Variants in SLC9C1 observed in about 807,000 individuals in gnomAD.
The protein encoded by SLC9C1 is solute carrier family 9 member C1, also known as sodium/hydrogen exchanger 10.
SLC9C1 carries 97 observed loss-of-function variants against 140.9 expected under a neutral mutation model. That is an observed-to-expected ratio of 0.69 (90% CI 0.58 to 0.82). The LOEUF is 0.82. Among genes scored for constraint, SLC9C1 ranks in the 40% least tolerant of loss-of-function variants. SLC9C1 has a pLI of 0.00. For synonymous variants in SLC9C1, 440 were observed against 442.6 expected (o/e 0.99, Z 0.07); for missense variants, 1,340 against 1,389.3 (o/e 0.96, Z 0.56).
chr3:112,227,485 C>T (rs1297434526), intron 13 of SLC9C1, among the ~76,000 whole-genome samples: 1 of 150,652 alleles, frequency 6.6e-6, no homozygotes, highest in Admixed American at 6.7e-5. Context: ...AAGACCAAAG[C>T]CATTTGATCA....
Position 112,150,840 on chromosome 3 carries a change from A to ATT in SLC9C1, c.3524+1015_3524+1016dup, listed in dbSNP as rs1180027200. Among the ~76,000 whole-genome samples the ATT allele has an allele frequency of 4.9e-3, 279 of 57,296 alleles. 6 individuals carry two copies. The highest frequency in any genetic ancestry group is 0.018 in the African/African-American group (253 of 13,990). The allele number at this position is 57,296 out of a possible 152,430, so 37.6% of individuals were successfully genotyped here. On this transcript the variant is annotated intron_variant, in intron 28 of 28. Coordinates refer to ENST00000305815, the MANE Select transcript of SLC9C1 (RefSeq NM_183061.3). ...CATATACATATATATATATATATATATTTTTTTTTTTTTTTGAGATGAAGT... is the reference window on the plus strand; with the variant it reads ...CATATACATATATATATATATATATATTTTTTTTTTTTTTTTTGAGATGAAGT...
At chr3:112,233,769 T>C (rs13060736) in intron 12 of SLC9C1, among the ~76,000 whole-genome samples, 89,433 of 151,370 alleles carry the variant, frequency 0.59, 26,966 homozygotes, top group East Asian at 0.79. Flanking sequence ...CTGAGAATGA[T>C]GGTTTCCAGC....
intron 13 of SLC9C1, among the ~76,000 whole-genome samples, chr3:112,228,368 T>C (rs2108156900): frequency 6.6e-6 from 1 of 152,208 alleles, no homozygotes; most frequent in Non-Finnish European, 1.5e-5. Context: ...ACTAAACCCT[T>C]GTCTCTCCTT....
intron 18 of SLC9C1, among the ~76,000 whole-genome samples, chr3:112,201,006 G>A (rs1360806938): frequency 6.6e-6 from 1 of 152,010 alleles, no homozygotes; most frequent in Non-Finnish European, 1.5e-5. Context: ...TCATGATTCT[G>A]AAAAGTGCAG....
At chr3:112,145,625 T>C (rs1186393533) in intron 28 of SLC9C1, among the ~76,000 whole-genome samples, 20 of 146,850 alleles carry the variant, frequency 1.4e-4, no homozygotes, top group African/African-American at 5.0e-4. Context: ...TGGTAGGTTC[T>C]TTTTTATGGA....
intron 11 of SLC9C1, among the ~76,000 whole-genome samples, chr3:112,242,359 T>C (rs2079159259): frequency 6.6e-6 from 1 of 152,148 alleles, no homozygotes; most frequent in Admixed American, 6.6e-5. Context: ...TTAAAAAGAA[T>C]GAGATCCTGT....
intron 28 of SLC9C1, among the ~76,000 whole-genome samples, chr3:112,142,299 G>A (rs1468641104): frequency 6.6e-6 from 1 of 151,958 alleles, no homozygotes; most frequent in Non-Finnish European, 1.5e-5. Context: ...TTTAAATTCT[G>A]CATTTCTTAG....
At chr3:112,178,757 C>T (rs933995221) in intron 23 of SLC9C1, among the ~76,000 whole-genome samples, 1 of 152,152 alleles carries the variant, frequency 6.6e-6, no homozygotes, top group African/African-American at 2.4e-5. Flanking sequence ...TTAACATTCA[C>T]TTAGTAGTTT....
At chr3:112,147,004 G>A (rs561500306) in intron 28 of SLC9C1, among the ~76,000 whole-genome samples, 6 of 152,118 alleles carry the variant, frequency 3.9e-5, no homozygotes, top group African/African-American at 1.4e-4. Context: ...ATAAATTTAG[G>A]ATGATTAAGT....
rs546303847 is a variant in SLC9C1 at position 112,226,567 on chromosome 3, C to G, written c.1572+4794G>C. ...TGAAACCCCATATCTACTAAAATTA[C>G]AAAAATTAGCCAGGTGTGGTGGCAA... On this transcript the variant is annotated intron_variant, in intron 13 of 28. Transcript: ENST00000305815. Among the ~76,000 whole-genome samples, 15 of 151,690 alleles carry G rather than the reference C, an allele frequency of 9.9e-5. No homozygotes were observed. The South Asian group carries it at 2.3e-3, about 23-fold the overall frequency.
intron 27 of SLC9C1, 136 bp from the exon 28 acceptor site, chr3:112,152,099 A>G: frequency 3.1e-6 from 2 of 651,268 alleles, no homozygotes; most frequent in Non-Finnish European, 4.8e-6. Context: ...GAGAAAAAGT[A>G]TAGAGGAAGA....
chr3:112,268,502 A>G (rs1415068083), intron 7 of SLC9C1, among the ~76,000 whole-genome samples: 1 of 152,188 alleles, frequency 6.6e-6, no homozygotes, highest in Non-Finnish European at 1.5e-5. Flanking sequence ...TTGATATTTT[A>G]TAACTTTTTA....
chr3:112,165,052 A>T (rs992710329), intron 26 of SLC9C1, among the ~76,000 whole-genome samples: 37 of 152,190 alleles, frequency 2.4e-4, no homozygotes, highest in African/African-American at 8.9e-4. Context: ...CCTTTCTTCC[A>T]GTTGATCAAA....
chr3:112,207,927 T>C (rs2078100230), intron 16 of SLC9C1, among the ~76,000 whole-genome samples: 1 of 152,190 alleles, frequency 6.6e-6, no homozygotes, highest in South Asian at 2.1e-4. Flanking sequence ...CCTTTTAAAC[T>C]CACTTTGTGT....
intron 15 of SLC9C1, among the ~76,000 whole-genome samples, chr3:112,216,865 A>G (rs2078387954): frequency 1.3e-5 from 2 of 152,202 alleles, no homozygotes; most frequent in Non-Finnish European, 2.9e-5. Context: ...GTATATACCC[A>G]AAGGATTATA....
intron 28 of SLC9C1, among the ~76,000 whole-genome samples, chr3:112,146,909 A>C (rs1331823050): frequency 1.3e-5 from 2 of 152,174 alleles, no homozygotes; most frequent in African/African-American, 4.8e-5. Flanking sequence ...AAAGTCCCTC[A>C]CTAGTATTGT....
At chr3:112,264,710 C>A (rs1444159683) in intron 8 of SLC9C1, among the ~76,000 whole-genome samples, 1 of 151,942 alleles carries the variant, frequency 6.6e-6, no homozygotes, top group Non-Finnish European at 1.5e-5. Flanking sequence ...GGACCTGTTA[C>A]AGGTTGTTTT....
At chr3:112,179,816 T>A (rs2077405538) in intron 22 of SLC9C1, 115 bp from the exon 23 acceptor site, 1 of 742,642 alleles carries the variant, frequency 1.3e-6, no homozygotes. Flanking sequence ...ACATATTGTC[T>A]TGAGAATAAA....
At chr3:112,165,707 C>T (rs2077114071) in intron 26 of SLC9C1, among the ~76,000 whole-genome samples, 1 of 152,196 alleles carries the variant, frequency 6.6e-6, no homozygotes, top group South Asian at 2.1e-4. Context: ...AGTTAGGCTA[C>T]TCGGGGGTCA....
Sources: gnomAD v4.1 joint callset for allele counts (sites outside exome capture counted in the v4.1 genomes callset) on GRCh38, gnomAD v4.1.1 for gene constraint, MANE v1.5 for transcripts, NCBI Gene and HGNC (gene_info 2026-07-23, HGNC 2026-07-21) for gene names.